SORBS2: variants seen among roughly 807,000 people sequenced by gnomAD.
SORBS2 encodes sorbin and SH3 domain-containing protein 2.
A neutral mutation model predicts 97.7 loss-of-function variants in SORBS2; 46 were observed. The observed-to-expected ratio is 0.47, with a 90% CI of 0.37 to 0.60. The LOEUF (loss-of-function observed/expected upper bound fraction) is 0.60. Among genes scored for constraint, SORBS2 ranks in the 20% least tolerant of loss-of-function variants. The probability of loss-of-function intolerance (pLI) is 0.00; values close to 1 mark genes in which losing one functional copy is unlikely to be tolerated. For missense variants in SORBS2, 1,316 were observed against 1,282.3 expected (o/e 1.03, Z -0.40); for synonymous variants, 476 against 473.4 (o/e 1.01, Z -0.07).
At chr4:185,799,826 T>C (rs1415656116) in intron 1 of SORBS2, among the ~76,000 whole-genome samples, 1 of 152,172 alleles carries the variant, frequency 6.6e-6, no homozygotes, top group East Asian at 1.9e-4. Flanking sequence ...AACTGTGGCA[T>C]AGAGGGTTTC....
chr4:185,831,207 A>T lies in SORBS2; in HGVS notation c.-337-55841T>A, dbSNP rs556793493. ...AAAATAATTAGACAGCAAAAGGGAT[A>T]TTTTGGGCTCTTCTCTTCTTTCCTC... On this transcript the variant is annotated intron_variant, in intron 1 of 20. Coordinates refer to the SORBS2 transcript ENST00000284776. Among the ~76,000 whole-genome samples, 9 of 152,268 alleles carry T rather than the reference A, an allele frequency of 5.9e-5. No homozygotes were observed. In the South Asian group the frequency reaches 1.7e-3, roughly 28 times the overall value.
chr4:185,601,877 C>A (rs890704161), intron 12 of SORBS2, among the ~76,000 whole-genome samples: 1 of 152,186 alleles, frequency 6.6e-6, no homozygotes, highest in African/African-American at 2.4e-5. Flanking sequence ...CACTGAGTTA[C>A]TTGGAAGAAA....
intron 1 of SORBS2, among the ~76,000 whole-genome samples, chr4:185,845,247 C>T (rs979122481): frequency 1.5e-4 from 23 of 151,966 alleles, no homozygotes; most frequent in South Asian, 8.3e-4. Context: ...CTCCAACTTC[C>T]CGGCTCAAGC....
intron 2 of SORBS2, among the ~76,000 whole-genome samples, chr4:185,719,656 T>C (rs1008693803): frequency 1.3e-5 from 2 of 152,206 alleles, no homozygotes; most frequent in Non-Finnish European, 2.9e-5. Context: ...CGCAAATGAG[T>C]AGCACTTGAC....
chr4:185,788,065 G>C (rs1212810815), intron 1 of SORBS2, among the ~76,000 whole-genome samples: 1 of 152,216 alleles, frequency 6.6e-6, no homozygotes, highest in Non-Finnish European at 1.5e-5. Context: ...GGCTTTCCAC[G>C]GGGCCTGCCG....
At chr4:185,937,934 T>C (rs1021286124) in intron 1 of SORBS2, among the ~76,000 whole-genome samples, 6 of 151,924 alleles carry the variant, frequency 3.9e-5, no homozygotes, top group African/African-American at 9.7e-5. Context: ...TCTTTGGAAA[T>C]AGCAGCTCAC....
intron 1 of SORBS2, among the ~76,000 whole-genome samples, chr4:185,932,243 G>A (rs1333175439): frequency 1.3e-5 from 2 of 151,664 alleles, no homozygotes; most frequent in Admixed American, 6.6e-5. Flanking sequence ...GCTACGAAGG[G>A]GGCAGTGGAG....
In SORBS2 at chr4:185,616,060, G is replaced by A. The variant is rs534904493; in HGVS notation, c.2352-901C>T. Among the ~76,000 whole-genome samples, 8 of 152,150 alleles carry A rather than the reference G, an allele frequency of 5.3e-5. No individual in the cohort carries two copies. The East Asian group carries it at 5.8e-4, about 11-fold the overall frequency. ...CCGCAATTATTCTTGGATGGAGGGC[G>A]ATTAATTTGTATCTTCTCCCAAGAG... On this transcript the variant is annotated intron_variant, in intron 9 of 14. Transcript: ENST00000418609.
At chr4:185,709,507 T>C (rs1413171299) in intron 2 of SORBS2, among the ~76,000 whole-genome samples, 1 of 152,090 alleles carries the variant, frequency 6.6e-6, no homozygotes, top group East Asian at 1.9e-4. Flanking sequence ...TGTGTTTTTG[T>C]TACTTTTAAA....
At chr4:185,701,508 AG>A (rs1228667843) in intron 2 of SORBS2, among the ~76,000 whole-genome samples, 1 of 152,218 alleles carries the variant, frequency 6.6e-6, no homozygotes, top group East Asian at 1.9e-4. Flanking sequence ...GGAGCGTAAA[AG>A]CACTTTGTCA....
intron 4 of SORBS2, among the ~76,000 whole-genome samples, chr4:185,638,378 T>A (rs1237384225): frequency 1.3e-5 from 2 of 152,182 alleles, no homozygotes; most frequent in Non-Finnish European, 1.5e-5. Context: ...CCTAGCTGTT[T>A]CCTGCGTCCA....
chr4:185,651,973 C>CT (rs1013320037), intron 2 of SORBS2, 145 bp from the exon 11 acceptor site: 360 of 589,300 alleles, frequency 6.1e-4, no homozygotes, highest in East Asian at 1.0e-3. Flanking sequence ...TTCTTTTTTT[C>CT]TTTTTTTTTA....
chr4:185,730,524 C>G (rs1427084657), intron 2 of SORBS2, among the ~76,000 whole-genome samples: 1 of 152,192 alleles, frequency 6.6e-6, no homozygotes, highest in Admixed American at 6.5e-5. Context: ...GTCAGCACTG[C>G]TTTCAATGAA....
chr4:185,840,148 C>T (rs1347042686), intron 1 of SORBS2, among the ~76,000 whole-genome samples: 2 of 152,202 alleles, frequency 1.3e-5, no homozygotes, highest in East Asian at 1.9e-4. Context: ...AGAGTGATAG[C>T]GAGATTCCAC....
At chr4:185,878,499 C>T (rs1467219829) in intron 1 of SORBS2, among the ~76,000 whole-genome samples, 2 of 152,086 alleles carry the variant, frequency 1.3e-5, no homozygotes, top group African/African-American at 2.4e-5. Flanking sequence ...CCGTACCTGG[C>T]GCCTCGCTTT....
At chr4:185,885,212 T>C (rs1213532294) in intron 1 of SORBS2, among the ~76,000 whole-genome samples, 1 of 152,188 alleles carries the variant, frequency 6.6e-6, no homozygotes, top group Non-Finnish European at 1.5e-5. Flanking sequence ...TGATGGCTCG[T>C]TGGGGATGGG....
At chr4:185,860,680 A>G (rs921994844) in intron 1 of SORBS2, among the ~76,000 whole-genome samples, 1 of 152,214 alleles carries the variant, frequency 6.6e-6, no homozygotes, top group Non-Finnish European at 1.5e-5. Flanking sequence ...TAAGACATCA[A>G]TCAAGACATA....
At chr4:185,822,367 C>A (rs1005055826) in intron 1 of SORBS2, among the ~76,000 whole-genome samples, 4 of 152,214 alleles carry the variant, frequency 2.6e-5, no homozygotes, top group African/African-American at 9.7e-5. Context: ...CTGAGACCCC[C>A]AAAGAGGAGG....
At chr4:185,868,055 T>A (rs562768417) in intron 1 of SORBS2, among the ~76,000 whole-genome samples, 5 of 151,866 alleles carry the variant, frequency 3.3e-5, no homozygotes, top group Non-Finnish European at 7.4e-5. Flanking sequence ...TAAAAGACAA[T>A]AAGTGCCTCT....
Sources: gnomAD v4.1 joint callset for allele counts (sites outside exome capture counted in the v4.1 genomes callset) on GRCh38, gnomAD v4.1.1 for gene constraint, MANE v1.5 for transcripts, NCBI Gene and HGNC (gene_info 2026-07-23, HGNC 2026-07-21) for gene names.